FAM135B: variants seen among roughly 807,000 people sequenced by gnomAD.
FAM135B encodes protein FAM135B.
A neutral mutation model predicts 127.7 loss-of-function variants in FAM135B; 43 were observed. That is an observed-to-expected ratio of 0.34 (90% confidence interval 0.26 to 0.43). The LOEUF is 0.43. Among genes scored for constraint, FAM135B ranks in the 20% least tolerant of loss-of-function variants. FAM135B has a pLI of 1.00. For synonymous variants in FAM135B, 670 were observed against 665.1 expected, an observed-to-expected ratio of 1.01 and a Z score of -0.11; for missense variants, 1,558 against 1,725.6, an observed-to-expected ratio of 0.90 and a Z score of 1.72.
At chr8:138,310,506 C>T (rs1187671069) in intron 3 of FAM135B, among the ~76,000 whole-genome samples, 1 of 152,120 alleles carries the variant, frequency 6.6e-6, no homozygotes, top group African/African-American at 2.4e-5. Context: ...TCCCAGGTTC[C>T]CTTTAACAGG....
intron 3 of FAM135B, among the ~76,000 whole-genome samples, chr8:138,294,564 A>T (rs1825344504): frequency 6.6e-6 from 1 of 152,186 alleles, no homozygotes; most frequent in South Asian, 2.1e-4. Flanking sequence ...GAGAATGGTT[A>T]AAGAAATCGC....
chr8:138,285,865 T>C (rs984266317), intron 3 of FAM135B, among the ~76,000 whole-genome samples: 1 of 152,032 alleles, frequency 6.6e-6, no homozygotes, highest in Non-Finnish European at 1.5e-5. Flanking sequence ...TAAAATGGAG[T>C]GTGGAAGTGA....
intron 12 of FAM135B, among the ~76,000 whole-genome samples, chr8:138,160,852 A>C (rs1563710178): frequency 6.6e-6 from 1 of 152,128 alleles, no homozygotes; most frequent in Non-Finnish European, 1.5e-5. Context: ...AAGTATGTGT[A>C]ATAATCCCCA....
chr8:138,308,936 A>G (rs6577909), intron 3 of FAM135B: 240,266 of 425,066 alleles, frequency 0.57, 69,709 homozygotes, highest in Middle Eastern at 0.65. Flanking sequence ...CCCTGAGAGC[A>G]GGTTCCTCAA....
chr8:138,429,297 C>T (rs1025806998), intron 1 of FAM135B, among the ~76,000 whole-genome samples: 4 of 152,132 alleles, frequency 2.6e-5, no homozygotes, highest in African/African-American at 9.7e-5. Flanking sequence ...CACTTTGAGC[C>T]CATGTCCTAT....
chr8:138,457,837 C>T (rs1301263110), intron 1 of FAM135B, among the ~76,000 whole-genome samples: 1 of 151,982 alleles, frequency 6.6e-6, no homozygotes, highest in East Asian at 1.9e-4. Flanking sequence ...ATTAGCCAGG[C>T]GCCCTGATGG....
intron 1 of FAM135B, among the ~76,000 whole-genome samples, chr8:138,483,083 T>C (rs1478204193): frequency 6.6e-6 from 1 of 150,752 alleles, no homozygotes; most frequent in African/African-American, 2.5e-5. Flanking sequence ...CAATTTAAAA[T>C]TTGAAAAAAA....
intron 8 of FAM135B, among the ~76,000 whole-genome samples, chr8:138,195,720 A>G (rs1816571869): frequency 6.6e-6 from 1 of 152,184 alleles, no homozygotes; most frequent in South Asian, 2.1e-4. Flanking sequence ...TTGAATCTCT[A>G]TCTTACAGAT....
chr8:138,236,838 G>A (rs1321348211), intron 7 of FAM135B, among the ~76,000 whole-genome samples: 1 of 152,202 alleles, frequency 6.6e-6, no homozygotes, highest in Non-Finnish European at 1.5e-5. Flanking sequence ...ATGGATCACA[G>A]GATCCATTAA....
At chr8:138,339,427 C>G (rs1026806558) in intron 2 of FAM135B, among the ~76,000 whole-genome samples, 1 of 151,192 alleles carries the variant, frequency 6.6e-6, no homozygotes, top group African/African-American at 2.4e-5. Flanking sequence ...AACTCCTCCC[C>G]CACCACCCCC....
chr8:138,273,263 TG>T (rs1170048164), intron 3 of FAM135B, among the ~76,000 whole-genome samples: 2 of 152,200 alleles, frequency 1.3e-5, no homozygotes, highest in Non-Finnish European at 2.9e-5. Context: ...TGGAGTGCAG[TG>T]GCGTGATCTT....
chr8:138,351,249 G>C (rs778323957), intron 2 of FAM135B, among the ~76,000 whole-genome samples: 16 of 152,056 alleles, frequency 1.1e-4, no homozygotes, highest in Non-Finnish European at 1.9e-4. Flanking sequence ...TTGGAAACAG[G>C]GTCTTTATAG....
chr8:138,493,105 C>A (rs1006688578), intron 1 of FAM135B, among the ~76,000 whole-genome samples: 1 of 152,162 alleles, frequency 6.6e-6, no homozygotes, highest in African/African-American at 2.4e-5. Context: ...GCTAAAATCT[C>A]CCTCACGAGT....
At chr8:138,306,656 C>T (rs1487697299) in intron 3 of FAM135B, among the ~76,000 whole-genome samples, 9 of 150,842 alleles carry the variant, frequency 6.0e-5, no homozygotes, top group Admixed American at 5.9e-4. Context: ...GATCTCTGCT[C>T]ACTGCAACCT....
intron 1 of FAM135B, among the ~76,000 whole-genome samples, chr8:138,380,780 C>T (rs149495279): frequency 0.011 from 1,693 of 151,838 alleles, 31 homozygotes; most frequent in African/African-American, 0.035. Flanking sequence ...CAAAATCTAA[C>T]TTTAGATCTT....
At chr8:138,305,556 C>T (rs77995844) in intron 3 of FAM135B, among the ~76,000 whole-genome samples, 15,616 of 152,246 alleles carry the variant, frequency 0.1, 1,040 homozygotes, top group South Asian at 0.22. Context: ...ATCTGAGACC[C>T]GCAAAACATA....
At chr8:138,344,084 G>A (rs1169914631) in intron 2 of FAM135B, among the ~76,000 whole-genome samples, 2 of 152,236 alleles carry the variant, frequency 1.3e-5, no homozygotes, top group African/African-American at 4.8e-5. Context: ...CAGGCATCCA[G>A]GTGAGAGAGG....
intron 2 of FAM135B, among the ~76,000 whole-genome samples, chr8:138,342,746 A>C (rs1014633134): frequency 6.6e-6 from 1 of 152,228 alleles, no homozygotes; most frequent in African/African-American, 2.4e-5. Context: ...CCGAGTTCAG[A>C]TATTCCTGCT....
intron 4 of FAM135B, among the ~76,000 whole-genome samples, chr8:138,259,567 G>C (rs1206517629): frequency 6.6e-6 from 1 of 152,096 alleles, no homozygotes; most frequent in Non-Finnish European, 1.5e-5. Flanking sequence ...TCAACCATGG[G>C]GGCTGGCCAC....
Sources: gnomAD v4.1 joint callset for allele counts (sites outside exome capture counted in the v4.1 genomes callset) on GRCh38, gnomAD v4.1.1 for gene constraint, MANE v1.5 for transcripts, NCBI Gene and HGNC (gene_info 2026-07-23, HGNC 2026-07-21) for gene names.